Variants in CTNNBIP1 observed in about 807,000 individuals in gnomAD.
The protein encoded by CTNNBIP1 is beta-catenin-interacting protein 1.
A neutral mutation model predicts 11.8 loss-of-function variants in CTNNBIP1; 7 were observed. The ratio of observed to expected loss-of-function variants is 0.60; its 90% CI spans 0.34 to 1.12. The LOEUF (loss-of-function observed/expected upper bound fraction) is 1.12. Among genes scored for constraint, CTNNBIP1 ranks in the 50% most tolerant of loss-of-function variants. CTNNBIP1 has a pLI of 0.03. For missense variants in CTNNBIP1, 101 were observed against 113.4 expected (o/e 0.89, Z 0.50); for synonymous variants, 58 against 43.9 (o/e 1.32, Z -1.26).
At chr1:9,906,014 T>TA (rs903587372) in intron 1 of CTNNBIP1, among the ~76,000 whole-genome samples, 8 of 152,100 alleles carry the variant, frequency 5.3e-5, no homozygotes, top group Admixed American at 2.0e-4. Context: ...AAGAAGCAGA[T>TA]AAAAAAAGGC....
chr1:9,871,807 A>G lies in CTNNBIP1; in HGVS notation c.96+162T>C, dbSNP rs1380503139. On this transcript the variant is annotated intron_variant, in intron 4 of 5. Coordinates refer to ENST00000377263, the MANE Select transcript of CTNNBIP1 (RefSeq NM_020248.3). The surrounding 1 kb of genome is among the most constrained non-coding windows in gnomAD (Gnocchi z 5.2). ...TGCTGGGCTCTGTGCCTAGGGGGCCAGAAGCAGCCCTAGAGCCAAGCCACA... is the reference window on the plus strand; with the variant it reads ...TGCTGGGCTCTGTGCCTAGGGGGCCGGAAGCAGCCCTAGAGCCAAGCCACA... 6.6e-6 allele frequency among the ~76,000 whole-genome samples: 1 copy of G among 152,134 alleles called. No individual in the cohort carries two copies. The highest frequency in any genetic ancestry group is 1.5e-5 in the Non-Finnish European group (1 of 67,992).
rs145211290 is a variant in CTNNBIP1 at position 9,857,661 on chromosome 1, T to G, written c.188-6885A>C. 6.6e-3 allele frequency among the ~76,000 whole-genome samples: 1,005 copies of G among 151,894 alleles called. 14 individuals are homozygous for G. The highest frequency in any genetic ancestry group is 0.023 in the African/African-American group (946 of 41,416). ...ACTAAAAATACAAACATTAGCCAGATGTGGTGGTGCGCTCCTGTAGTCCCA... is the reference window on the plus strand; with the variant it reads ...ACTAAAAATACAAACATTAGCCAGAGGTGGTGGTGCGCTCCTGTAGTCCCA... On this transcript the variant is annotated intron_variant, in intron 5 of 5. Transcript: ENST00000377263.
At chr1:9,885,972 C>A (rs1639180758) in intron 1 of CTNNBIP1, among the ~76,000 whole-genome samples, 1 of 150,536 alleles carries the variant, frequency 6.6e-6, no homozygotes, top group African/African-American at 2.4e-5. Flanking sequence ...CCAGTGAGTG[C>A]CTGGTATACA....
intron 3 of CTNNBIP1, among the ~76,000 whole-genome samples, chr1:9,875,917 C>T (rs1481867315): frequency 6.6e-6 from 1 of 152,154 alleles, no homozygotes; most frequent in Non-Finnish European, 1.5e-5. Context: ...CATAATCAAC[C>T]CAAACAATAC....
rs1344643278 is a variant in CTNNBIP1 at position 9,872,690 on chromosome 1, G to GCTTGC, written c.-24-607_-24-603dup. 2.0e-5 allele frequency among the ~76,000 whole-genome samples: 3 copies of GCTTGC among 152,140 alleles called. No individual in the cohort carries two copies. The highest frequency in any genetic ancestry group is 7.2e-5 in the African/African-American group (3 of 41,440). On this transcript the variant is annotated intron_variant, in intron 3 of 5. Transcript: ENST00000377263. This position sits in a 1 kb window ranked among gnomAD's most constrained non-coding sequence, Gnocchi z 4.0. The stretch of plus-strand genomic sequence containing the variant: ...AAAGACGCTGGCCCAGGGTTGCAGG[G>GCTTGC]CTTGCTACCTCAGCCCTCACAAACC...
intron 1 of CTNNBIP1, among the ~76,000 whole-genome samples, chr1:9,891,657 T>C (rs1383950516): frequency 6.6e-6 from 1 of 152,088 alleles, no homozygotes; most frequent in Non-Finnish European, 1.5e-5. Flanking sequence ...GGAAAATAAG[T>C]TTTGTTGGGC....
chr1:9,879,912 T>C (rs1318155293), intron 2 of CTNNBIP1, among the ~76,000 whole-genome samples: 1 of 152,190 alleles, frequency 6.6e-6, no homozygotes, highest in African/African-American at 2.4e-5. Context: ...CATTTAATTT[T>C]TTATTTTATT....
chr1:9,858,489 C>T (rs1340327297), intron 5 of CTNNBIP1, among the ~76,000 whole-genome samples: 1 of 152,176 alleles, frequency 6.6e-6, no homozygotes, highest in African/African-American at 2.4e-5. Flanking sequence ...AGCACAAGTC[C>T]TTACACCCCA....
intron 1 of CTNNBIP1, among the ~76,000 whole-genome samples, chr1:9,897,010 C>T (rs1439281681): frequency 2.0e-5 from 3 of 151,530 alleles, no homozygotes; most frequent in Admixed American, 6.6e-5. Context: ...GGCATGGTGG[C>T]GCGCGCCTGT....
chr1:9,895,186 C>A (rs1234467123), intron 1 of CTNNBIP1, among the ~76,000 whole-genome samples: 1 of 151,870 alleles, frequency 6.6e-6, no homozygotes, highest in South Asian at 2.1e-4. Flanking sequence ...GGATTACAGG[C>A]ATGAGCCACT....
chr1:9,856,811 G>A (rs1000841400), intron 5 of CTNNBIP1, among the ~76,000 whole-genome samples: 1 of 151,870 alleles, frequency 6.6e-6, no homozygotes, highest in South Asian at 2.1e-4. Flanking sequence ...ACCATGCCTA[G>A]TCCATAAAGA....
At chr1:9,882,780 C>G (rs996289616) in intron 2 of CTNNBIP1, among the ~76,000 whole-genome samples, 4 of 152,016 alleles carry the variant, frequency 2.6e-5, no homozygotes, top group African/African-American at 9.7e-5. Flanking sequence ...CAGGGTGAGG[C>G]CCCAAAGGAC....
intron 1 of CTNNBIP1, among the ~76,000 whole-genome samples, chr1:9,891,781 ATTTTTTTTTTTTTTTTTTT>A (rs70998316): frequency 1.2e-5 from 1 of 81,410 alleles, no homozygotes; most frequent in African/African-American, 5.0e-5. Context: ...ATCTCTTTAA[ATTTTTTTTTTTTTTTTTTT>A]TTTTTTTTTT....
In CTNNBIP1 at chr1:9,867,375, G is replaced by A. The variant is rs78907700; in HGVS notation, c.187+3812C>T. ...CCATAGATACTCAACAAATGTGACC[G>A]AGGAAGGAATCGAAGGGTAGGGGGT... On this transcript the variant is annotated intron_variant, in intron 5 of 5. Transcript: ENST00000377263. The surrounding 1 kb of genome is among the most constrained non-coding windows in gnomAD (Gnocchi z 4.6). Among the ~76,000 whole-genome samples, 83 of 152,300 alleles carry A rather than the reference G, an allele frequency of 5.4e-4. No homozygotes were observed. In the East Asian group the frequency reaches 0.013, roughly 24 times the overall value.
At chr1:9,881,669 C>A (rs1420828606) in intron 2 of CTNNBIP1, among the ~76,000 whole-genome samples, 1 of 152,116 alleles carries the variant, frequency 6.6e-6, no homozygotes, top group East Asian at 1.9e-4. Flanking sequence ...AATTTCTGAA[C>A]AAGGGGGCTT....
intron 5 of CTNNBIP1, among the ~76,000 whole-genome samples, chr1:9,869,140 C>T (rs926344574): frequency 2.6e-5 from 4 of 151,790 alleles, no homozygotes; most frequent in African/African-American, 7.3e-5. Flanking sequence ...GCTAGGACTA[C>T]AGACGTGTGC....
chr1:9,871,238 C>T lies in CTNNBIP1; in HGVS notation c.136G>A (p.Gly46Arg). ...SEEEFLRTYA[G>R]VVNSQLSQLP... is the part of the protein sequence containing the mutation. ...TGGCTGAGCTGGCTGTTGACCACCC[C>T]TGCATAGGTGCGCAGGAACTCCTCC... is the stretch of plus-strand genomic sequence containing the variant. Residue 46 changes from glycine to arginine, a missense_variant, in exon 5 of 6, where the codon GGG becomes AGG. By Grantham distance (125) the Gly-to-Arg change is moderately radical (BLOSUM62 -2). Transcript: ENST00000377263. This position sits in a 1 kb window ranked among gnomAD's most constrained non-coding sequence, Gnocchi z 5.2. 1 of 1,581,894 alleles carries T rather than the reference C, an allele frequency of 6.3e-7. No individual in the cohort carries two copies. The highest frequency in any genetic ancestry group is 1.3e-5 in the African/African-American group (1 of 74,786).
At chr1:9,886,267 C>T (rs893678706) in intron 1 of CTNNBIP1, among the ~76,000 whole-genome samples, 3 of 152,148 alleles carry the variant, frequency 2.0e-5, no homozygotes, top group African/African-American at 7.2e-5. Flanking sequence ...AGCAGGGTGC[C>T]GCTGACATTT....
At chr1:9,853,350 T>G (rs967123115) in intron 5 of CTNNBIP1, among the ~76,000 whole-genome samples, 1 of 152,262 alleles carries the variant, frequency 6.6e-6, no homozygotes, top group Admixed American at 6.5e-5. Context: ...GGTCTCACCA[T>G]GAACCTGACA....
Sources: allele counts gnomAD v4.1 joint callset (sites outside exome capture counted in the v4.1 genomes callset), GRCh38; gene constraint gnomAD v4.1.1; non-coding constraint Gnocchi (gnomAD v3.1); transcripts MANE v1.5; gene names NCBI Gene and HGNC (gene_info 2026-07-23, HGNC 2026-07-21).